The following CCSER1 variants were observed in gnomAD, a reference collection of about 807,000 sequenced individuals.
The protein encoded by CCSER1 is serine-rich coiled-coil domain-containing protein 1.
A neutral mutation model predicts 82.0 loss-of-function variants in CCSER1; 41 were observed. The observed-to-expected ratio is 0.50, with a 90% confidence interval of 0.39 to 0.65. The LOEUF (loss-of-function observed/expected upper bound fraction) is 0.65, where lower values mean the gene tolerates loss of function less well. Among genes scored for constraint, CCSER1 ranks in the 30% least tolerant of loss-of-function variants. CCSER1 has a pLI of 0.00. For missense variants in CCSER1, 1,119 were observed against 1,064.2 expected, an observed-to-expected ratio of 1.05 and a Z score of -0.72; for synonymous variants, 414 against 383.9, an observed-to-expected ratio of 1.08 and a Z score of -0.92.
chr4:91,288,777 G>C (rs1430210932), intron 10 of CCSER1, among the ~76,000 whole-genome samples: 1 of 152,006 alleles, frequency 6.6e-6, no homozygotes, highest in Non-Finnish European at 1.5e-5. Flanking sequence ...AGCAGAAAAA[G>C]ATCATTTATT....
chr4:90,443,429 C>A (rs1760188143), intron 4 of CCSER1, among the ~76,000 whole-genome samples: 1 of 152,062 alleles, frequency 6.6e-6, no homozygotes, highest in Admixed American at 6.6e-5. Context: ...AAGGTAGATA[C>A]ACTGAACAAA....
chr4:91,237,241 C>T (rs1739081729), intron 10 of CCSER1, among the ~76,000 whole-genome samples: 1 of 151,750 alleles, frequency 6.6e-6, no homozygotes, highest in African/African-American at 2.4e-5. Flanking sequence ...TATATTTCAA[C>T]ATAAATTAGA....
rs200410629 is a variant in CCSER1, at chr4:90,861,924, A to AT, written c.2094+46080dup. Among the ~76,000 whole-genome samples, 69 of 108,906 alleles carry AT rather than the reference A, an allele frequency of 6.3e-4. 1 individual carries two copies. The highest frequency in any genetic ancestry group is 1.5e-3 in the African/African-American group (50 of 32,996). 71.4% of individuals were successfully genotyped at this position (108,906 alleles called of 152,430 possible). A position where few individuals can be genotyped will look rare whatever the true frequency, so the allele number is the denominator to read the frequency against. On this transcript the variant is annotated intron_variant, in intron 8 of 10. Coordinates refer to ENST00000509176, the MANE Select transcript of CCSER1 (RefSeq NM_001145065.2). ...ATGACTCATATATATATATATATAT[A>AT]TATTTTTTTTTTCTGTTAGACTAGT...
chr4:90,700,303 A>T (rs1255008183), intron 6 of CCSER1, among the ~76,000 whole-genome samples: 1 of 152,058 alleles, frequency 6.6e-6, no homozygotes, highest in Non-Finnish European at 1.5e-5. Flanking sequence ...CCGTGTCCCT[A>T]CAAAGGACAT....
intron 4 of CCSER1, among the ~76,000 whole-genome samples, chr4:90,441,583 G>A (rs1163240571): frequency 1.3e-5 from 2 of 152,068 alleles, no homozygotes; most frequent in Admixed American, 6.6e-5. Flanking sequence ...CACATTGGGG[G>A]TTAACACTTC....
intron 10 of CCSER1, among the ~76,000 whole-genome samples, chr4:91,378,663 G>T (rs941204158): frequency 6.6e-6 from 1 of 152,044 alleles, no homozygotes; most frequent in Non-Finnish European, 1.5e-5. Flanking sequence ...GAGATGATGG[G>T]GTTTTCTAAA....
chr4:90,653,525 G>A (rs1729163162), intron 6 of CCSER1, among the ~76,000 whole-genome samples: 1 of 152,052 alleles, frequency 6.6e-6, no homozygotes, highest in East Asian at 1.9e-4. Context: ...GATAGAGTCA[G>A]TATTTATATT....
chr4:90,697,751 G>T (rs1049037751), intron 6 of CCSER1, among the ~76,000 whole-genome samples: 1 of 152,196 alleles, frequency 6.6e-6, no homozygotes, highest in South Asian at 2.1e-4. Flanking sequence ...GAGAACAATT[G>T]ATTTGCAGGT....
intron 10 of CCSER1, among the ~76,000 whole-genome samples, chr4:91,128,320 A>C (rs1581607406): frequency 6.6e-6 from 1 of 152,042 alleles, no homozygotes; most frequent in Non-Finnish European, 1.5e-5. Context: ...TGGTTATTAC[A>C]TTAAATTTCA....
chr4:90,161,023 A>AG (rs1729335348), intron 1 of CCSER1, among the ~76,000 whole-genome samples: 1 of 152,178 alleles, frequency 6.6e-6, no homozygotes, highest in Non-Finnish European at 1.5e-5. Context: ...AGCTACCTAA[A>AG]AGAGAAACAA....
At chr4:91,161,527 G>C (rs1395364153) in intron 10 of CCSER1, among the ~76,000 whole-genome samples, 1 of 152,052 alleles carries the variant, frequency 6.6e-6, no homozygotes, top group Non-Finnish European at 1.5e-5. Context: ...GATTCTTGCT[G>C]TACATGAGCA....
At chr4:90,843,759 C>T (rs1425064445) in intron 8 of CCSER1, among the ~76,000 whole-genome samples, 1 of 152,078 alleles carries the variant, frequency 6.6e-6, no homozygotes, top group Non-Finnish European at 1.5e-5. Context: ...ATTTCTTGGT[C>T]ATGTTAATCT....
chr4:90,513,301 T>A (rs552370214), intron 5 of CCSER1, among the ~76,000 whole-genome samples: 1 of 152,176 alleles, frequency 6.6e-6, no homozygotes. Context: ...GAATTTATGC[T>A]GTGCAAAGAG....
chr4:90,934,421 A>G (rs950556914), intron 9 of CCSER1, among the ~76,000 whole-genome samples: 8 of 151,394 alleles, frequency 5.3e-5, no homozygotes, highest in African/African-American at 2.0e-4. Context: ...TGTCAACATG[A>G]ACTTATTATT....
At chr4:90,245,796 AT>A (rs995477263) in intron 1 of CCSER1, among the ~76,000 whole-genome samples, 2 of 152,110 alleles carry the variant, frequency 1.3e-5, no homozygotes, top group African/African-American at 4.8e-5. Flanking sequence ...TGCAGTGATG[AT>A]TTTTAGCTCA....
intron 8 of CCSER1, among the ~76,000 whole-genome samples, chr4:90,859,140 A>T (rs1764778123): frequency 6.6e-6 from 1 of 151,880 alleles, no homozygotes; most frequent in Non-Finnish European, 1.5e-5. Flanking sequence ...ACAGAAACTG[A>T]TCCCATTCTA....
intron 10 of CCSER1, among the ~76,000 whole-genome samples, chr4:91,404,858 G>T (rs1373532694): frequency 6.6e-6 from 1 of 152,170 alleles, no homozygotes; most frequent in Non-Finnish European, 1.5e-5. Flanking sequence ...GTGATGAGAA[G>T]AATGTATATT....
At chr4:90,834,386 C>A (rs1761520796) in intron 8 of CCSER1, among the ~76,000 whole-genome samples, 1 of 151,996 alleles carries the variant, frequency 6.6e-6, no homozygotes, top group Non-Finnish European at 1.5e-5. Flanking sequence ...TAATGAACAC[C>A]ACATTGATGC....
In CCSER1 at chr4:90,460,324, C is replaced by CAA. The variant is rs751331396; in HGVS notation, c.1604-7890_1604-7889dup. ...TGGGCGACAGAGCGAAACTCCGTCTCAAAAAAAAAAAAAAAAAAAAACTAA... is the reference window on the plus strand; with the variant it reads ...TGGGCGACAGAGCGAAACTCCGTCTCAAAAAAAAAAAAAAAAAAAAAAACTAA... On this transcript the variant is annotated intron_variant, in intron 4 of 10. Transcript: ENST00000509176. Among the ~76,000 whole-genome samples, 164 of 32,394 alleles carry CAA rather than the reference C, an allele frequency of 5.1e-3. 14 individuals are homozygous for CAA. The highest frequency in any genetic ancestry group is 0.019 in the African/African-American group (129 of 6,866). The allele number at this position is 32,394 out of a possible 152,430, so 21.3% of individuals were successfully genotyped here. A position where few individuals can be genotyped will look rare whatever the true frequency, so the allele number is the denominator to read the frequency against.
Sources: allele counts gnomAD v4.1 joint callset (sites outside exome capture counted in the v4.1 genomes callset), GRCh38; gene constraint gnomAD v4.1.1; transcripts MANE v1.5; gene names NCBI Gene and HGNC (gene_info 2026-07-23, HGNC 2026-07-21).